Variants in CLYBL observed in about 807,000 individuals in gnomAD.
CLYBL encodes the protein citramalyl-CoA lyase.
CLYBL carries 31 observed loss-of-function variants against 38.9 expected under a neutral mutation model. The observed-to-expected ratio is 0.80, with a 90% CI of 0.60 to 1.08. The LOEUF (loss-of-function observed/expected upper bound fraction) is 1.08, where lower values mean the gene tolerates loss of function less well. Among genes scored for constraint, CLYBL ranks in the 50% least tolerant of loss-of-function variants. The probability of loss-of-function intolerance (pLI) is 0.00; values close to 1 mark genes in which losing one functional copy is unlikely to be tolerated. For synonymous variants in CLYBL, 171 were observed against 158.6 expected, an observed-to-expected ratio of 1.08 and a Z score of -0.59; for missense variants, 434 against 411.6, an observed-to-expected ratio of 1.05 and a Z score of -0.47.
At chr13:99,824,881 A>G (rs561292891) in intron 2 of CLYBL, among the ~76,000 whole-genome samples, 405 of 152,236 alleles carry the variant, frequency 2.7e-3, no homozygotes, top group African/African-American at 9.4e-3. Context: ...TTTTTCCCTC[A>G]TTATTTGTTA....
chr13:99,710,475 T>G (rs924819988), intron 1 of CLYBL, among the ~76,000 whole-genome samples: 25 of 152,184 alleles, frequency 1.6e-4, no homozygotes, highest in Non-Finnish European at 4.4e-5. Context: ...CAGTGGTCCT[T>G]GTCATTGAGA....
At chr13:99,612,278 G>A (rs1359341430) in intron 1 of CLYBL, among the ~76,000 whole-genome samples, 1 of 149,260 alleles carries the variant, frequency 6.7e-6, no homozygotes, top group African/African-American at 2.5e-5. Flanking sequence ...CTATTTCATT[G>A]ATTTCTGTCT....
intron 1 of CLYBL, among the ~76,000 whole-genome samples, chr13:99,732,325 C>G (rs2048606127): frequency 6.6e-6 from 1 of 151,976 alleles, no homozygotes; most frequent in Admixed American, 6.6e-5. Flanking sequence ...CAACAAGTAG[C>G]TGGGACCACA....
At chr13:99,817,661 AAAAAAAAAAAAAG>A (rs1224427290) in intron 2 of CLYBL, among the ~76,000 whole-genome samples, 6 of 149,278 alleles carry the variant, frequency 4.0e-5, no homozygotes, top group Non-Finnish European at 7.4e-5. Context: ...TCTCAAAAAA[AAAAAAAAAAAAAG>A]AAAAGAAAAA....
intron 1 of CLYBL, among the ~76,000 whole-genome samples, chr13:99,719,178 G>GTC (rs1313733972): frequency 2.1e-5 from 3 of 142,792 alleles, no homozygotes; most frequent in Non-Finnish European, 4.5e-5. Flanking sequence ...TTAAGACAGG[G>GTC]TCTCTCTCTG....
At chr13:99,791,688 G>T (rs149188152) in intron 2 of CLYBL, among the ~76,000 whole-genome samples, 184 of 152,322 alleles carry the variant, frequency 1.2e-3, no homozygotes, top group African/African-American at 4.2e-3. Flanking sequence ...GTGAAGTGCT[G>T]AGAGCTGTGC....
At chr13:99,866,064 G>T (rs2051734208) in intron 5 of CLYBL, among the ~76,000 whole-genome samples, 176 bp from the exon 6 acceptor site, 1 of 152,166 alleles carries the variant, frequency 6.6e-6, no homozygotes, top group African/African-American at 2.4e-5. Flanking sequence ...CACATTCGAG[G>T]TTTAACTTGG....
At chr13:99,701,968 T>A (rs2048073476) in intron 1 of CLYBL, among the ~76,000 whole-genome samples, 2 of 151,906 alleles carry the variant, frequency 1.3e-5, no homozygotes, top group Admixed American at 1.3e-4. Context: ...AACAAAGGAG[T>A]GAAGTGATAC....
At chr13:99,818,357 T>G (rs2050501874) in intron 2 of CLYBL, among the ~76,000 whole-genome samples, 1 of 151,852 alleles carries the variant, frequency 6.6e-6, no homozygotes, top group Non-Finnish European at 1.5e-5. Context: ...CTCGGGTTGA[T>G]TGTTAATAGA....
chr13:99,814,432 T>C (rs982030778), intron 2 of CLYBL, among the ~76,000 whole-genome samples: 3 of 152,124 alleles, frequency 2.0e-5, no homozygotes, highest in Non-Finnish European at 2.9e-5. Context: ...AAACAAAAAA[T>C]AGGGAGAAGA....
intron 2 of CLYBL, among the ~76,000 whole-genome samples, chr13:99,804,462 T>C (rs985931048): frequency 1.3e-5 from 2 of 152,166 alleles, no homozygotes; most frequent in African/African-American, 4.8e-5. Flanking sequence ...ACCTTTCACC[T>C]CTAACTGTTT....
intron 1 of CLYBL, among the ~76,000 whole-genome samples, chr13:99,711,403 CTTTTTTTTTT>C (rs71215540): frequency 1.6e-4 from 13 of 83,206 alleles, no homozygotes; most frequent in East Asian, 8.7e-4. Context: ...GGGAGTCCGT[CTTTTTTTTTT>C]TTTTTTTTTT....
chr13:99,797,035 T>C (rs1376892284), intron 2 of CLYBL, among the ~76,000 whole-genome samples: 5 of 152,222 alleles, frequency 3.3e-5, no homozygotes, highest in African/African-American at 1.2e-4. Flanking sequence ...TTACATGTGA[T>C]CAATATATGG....
At chr13:99,841,343 C>T (rs1345334889) in intron 2 of CLYBL, among the ~76,000 whole-genome samples, 1 of 152,096 alleles carries the variant, frequency 6.6e-6, no homozygotes, top group Non-Finnish European at 1.5e-5. Flanking sequence ...AGGTTCGTGA[C>T]TGAGGTACCT....
chr13:99,887,560 A>C (rs966405752), intron 7 of CLYBL, among the ~76,000 whole-genome samples: 1 of 152,116 alleles, frequency 6.6e-6, no homozygotes, highest in Non-Finnish European at 1.5e-5. Context: ...GGAGACTGAG[A>C]CCAGCTTGGG....
chr13:99,752,271 T>G (rs1050612503), intron 1 of CLYBL, among the ~76,000 whole-genome samples: 4 of 152,128 alleles, frequency 2.6e-5, no homozygotes, highest in African/African-American at 7.2e-5. Context: ...CCTTTCTCCT[T>G]GAACATTCCC....
intron 7 of CLYBL, among the ~76,000 whole-genome samples, chr13:99,881,781 G>A (rs901842215): frequency 2.6e-5 from 4 of 152,128 alleles, no homozygotes; most frequent in Non-Finnish European, 5.9e-5. Flanking sequence ...ATATTCAGAT[G>A]TTATACAAGG....
At position 99,606,774 on chromosome 13, in the gene CLYBL, G is replaced by C; in HGVS notation, c.62+17G>C. On this transcript the variant is annotated intron_variant, in intron 1 of 8. Coordinates refer to ENST00000339105, the MANE Select transcript of CLYBL (RefSeq NM_206808.5). ...GCTGAGGCTGTGAGTGCAGGTCCCC[G>C]TTCCCCGCCTTCCCGGCCCGGCTCG... 1 of 1,406,984 alleles carries C rather than the reference G, an allele frequency of 7.1e-7. No individual in the cohort carries two copies. The highest frequency in any genetic ancestry group is 9.2e-7 in the Non-Finnish European group (1 of 1,083,692). The allele number at this position is 1,406,984 out of a possible 1,614,324, so 87.2% of individuals were successfully genotyped here.
At chr13:99,795,068 G>A (rs1476017909) in intron 2 of CLYBL, among the ~76,000 whole-genome samples, 1 of 152,188 alleles carries the variant, frequency 6.6e-6, no homozygotes, top group Non-Finnish European at 1.5e-5. Flanking sequence ...TACCGGCTAT[G>A]CAGGCCGCAT....
Sources: allele counts gnomAD v4.1 joint callset (sites outside exome capture counted in the v4.1 genomes callset), GRCh38; gene constraint gnomAD v4.1.1; transcripts MANE v1.5; gene names NCBI Gene and HGNC (gene_info 2026-07-23, HGNC 2026-07-21).